Variants in DSE observed in about 807,000 individuals in gnomAD.
The protein encoded by DSE is dermatan sulfate epimerase.
A neutral mutation model predicts 84.4 loss-of-function variants in DSE; 36 were observed. The observed-to-expected ratio is 0.43, with a 90% CI of 0.33 to 0.56. DSE has a LOEUF of 0.56. Among genes scored for constraint, DSE ranks in the 20% least tolerant of loss-of-function variants. The pLI is 0.06. For synonymous variants in DSE, 410 were observed against 430.1 expected (o/e 0.95, Z 0.58); for missense variants, 862 against 1,169.6 (o/e 0.74, Z 3.84).
chr6:116,294,261 G>T (rs1215784729), intron 2 of DSE, among the ~76,000 whole-genome samples: 1 of 152,140 alleles, frequency 6.6e-6, no homozygotes, highest in Admixed American at 6.6e-5. Context: ...GGGCTCAAGG[G>T]ATCCTTTTGG....
chr6:116,406,064 A>T (rs1013559785), intron 2 of DSE, among the ~76,000 whole-genome samples: 5 of 152,252 alleles, frequency 3.3e-5, no homozygotes, highest in African/African-American at 1.2e-4. Flanking sequence ...ATTGAAAGGA[A>T]ATCCGAAGTT....
chr6:116,339,127 CCA>C (rs1056885477), intron 2 of DSE, among the ~76,000 whole-genome samples: 4 of 152,172 alleles, frequency 2.6e-5, no homozygotes, highest in Admixed American at 2.6e-4. Flanking sequence ...CTCCTCCACC[CCA>C]GTCCTGTCCG....
intron 2 of DSE, among the ~76,000 whole-genome samples, chr6:116,358,980 G>GTAAC: frequency 6.6e-6 from 1 of 152,292 alleles, no homozygotes; most frequent in South Asian, 2.1e-4. Flanking sequence ...CACATACACA[G>GTAAC]TAACCTCAGT....
At chr6:116,282,629 C>T (rs541085555) in intron 2 of DSE, among the ~76,000 whole-genome samples, 131 of 151,956 alleles carry the variant, frequency 8.6e-4, no homozygotes, top group African/African-American at 2.9e-3. Flanking sequence ...ATATAGAGAA[C>T]GTGATTTAAA....
At position 116,438,089 on chromosome 6, in the gene DSE, T is replaced by A. The variant is rs1175499494; in HGVS notation, c.*744T>A. On this transcript the variant is annotated 3_prime_UTR_variant, in exon 6 of 6. Transcript: ENST00000644252. ...GAGATGATTACAGATAATACTGTAT[T>A]TTCCTTATATGGAAAACCGTTATAG... The A allele has an allele frequency of 6.6e-6, 1 of 152,600 alleles. No individual in the cohort carries two copies. The highest frequency in any genetic ancestry group is 1.5e-5 in the Non-Finnish European group (1 of 67,990). The allele number at this position is 152,600 out of a possible 1,614,324, so 9.5% of individuals were successfully genotyped here.
intron 5 of DSE, 102 bp from the exon 6 acceptor site, chr6:116,435,485 T>C: frequency 1.7e-6 from 2 of 1,194,574 alleles, no homozygotes; most frequent in South Asian, 1.6e-5. Context: ...GCACTGCCAG[T>C]GCTCTGGGTA....
chr6:116,370,948 G>A lies in DSE; in HGVS notation c.-227G>A, dbSNP rs1779506277. On this transcript the variant is annotated 5_prime_UTR_variant, in exon 1 of 6. Transcript: ENST00000644252. ...CCCGCCCCCGCCGGCCCGGCTCTCAGTAGCGTCGCCCGAGGCTGCAGCAGC... is the reference window on the plus strand; with the variant it reads ...CCCGCCCCCGCCGGCCCGGCTCTCAATAGCGTCGCCCGAGGCTGCAGCAGC... 7 of 985,308 alleles carry A rather than the reference G, an allele frequency of 7.1e-6. No homozygotes were observed. Among genetic ancestry groups the A allele is most frequent in the African/African-American group, 1.7e-5 (1 of 57,204 alleles). The allele number at this position is 985,308 out of a possible 1,614,324, so 61.0% of individuals were successfully genotyped here. A position where few individuals can be genotyped will look rare whatever the true frequency, so the allele number is the denominator to read the frequency against.
At chr6:116,430,878 G>T in intron 3 of DSE, 76 bp from the exon 4 acceptor site, 1 of 1,566,382 alleles carries the variant, frequency 6.4e-7, no homozygotes, top group South Asian at 1.2e-5. Flanking sequence ...TAACTCAGAG[G>T]GTTTTATTGG....
intron 2 of DSE, among the ~76,000 whole-genome samples, chr6:116,363,377 TTGTG>T (rs58017442): frequency 9.3e-5 from 14 of 150,932 alleles, no homozygotes; most frequent in African/African-American, 2.4e-4. Context: ...TGTGTGTGCT[TTGTG>T]TGTGTGTGTG....
In DSE at chr6:116,427,429, GA is replaced by G. The variant is rs79045521; in HGVS notation, c.670+606del. The stretch of plus-strand genomic sequence containing the variant: ...AATGACTGATTAAGATTGTGTTTAA[GA>G]AAAGCAGCTCTGAGATCACAGGGAA... On this transcript the variant is annotated intron_variant, in intron 3 of 5. Transcript: ENST00000644252. Among the ~76,000 whole-genome samples, 75 of 152,276 alleles carry G rather than the reference GA, an allele frequency of 4.9e-4. 1 individual carries two copies. In the East Asian group the frequency reaches 9.3e-3, roughly 19 times the overall value.
chr6:116,388,024 A>AG (rs753244584), intron 1 of DSE, among the ~76,000 whole-genome samples: 217 of 152,322 alleles, frequency 1.4e-3, no homozygotes, highest in Non-Finnish European at 2.2e-3. Context: ...TTAGTATATT[A>AG]GGGTTCTCCA....
intron 2 of DSE, among the ~76,000 whole-genome samples, chr6:116,283,729 A>G (rs1773687049): frequency 6.6e-6 from 1 of 152,070 alleles, no homozygotes; most frequent in Admixed American, 6.5e-5. Flanking sequence ...TTTTTAGTAG[A>G]GAAGGGGTTT....
At position 116,282,285 on chromosome 6, in the gene DSE, C is replaced by G. The variant is rs936356937; in HGVS notation, c.-54+23318C>G. On this transcript the variant is annotated intron_variant, in intron 2 of 3. Transcript: ENST00000430252. ...AGACTGTTTCTAATTGCCATGAAAT[C>G]ATCTTCTATTTTGAACTGGTATAAT... is the stretch of plus-strand genomic sequence containing the variant. Among the ~76,000 whole-genome samples, 5 of 152,258 alleles carry G rather than the reference C, an allele frequency of 3.3e-5. No individual in the cohort carries two copies. In the South Asian group the frequency reaches 8.3e-4, roughly 25 times the overall value.
chr6:116,351,208 A>G (rs1778291149), intron 2 of DSE, among the ~76,000 whole-genome samples: 1 of 152,144 alleles, frequency 6.6e-6, no homozygotes, highest in African/African-American at 2.4e-5. Flanking sequence ...CCTTCACTGA[A>G]TCCCCATCTC....
chr6:116,366,763 T>C (rs930479854), upstream of DSE: 4 of 152,236 alleles, frequency 2.6e-5, no homozygotes, highest in African/African-American at 9.7e-5. Flanking sequence ...ATAATTGTTA[T>C]GTGGTCTGAA....
At chr6:116,420,958 A>C (rs548552423) in intron 2 of DSE, among the ~76,000 whole-genome samples, 1 of 152,340 alleles carries the variant, frequency 6.6e-6, no homozygotes, top group South Asian at 2.1e-4. Flanking sequence ...AAAAGCATTT[A>C]TGATAATAGA....
intron 2 of DSE, among the ~76,000 whole-genome samples, chr6:116,410,471 C>T (rs921032788): frequency 1.3e-5 from 2 of 152,154 alleles, no homozygotes; most frequent in African/African-American, 4.8e-5. Flanking sequence ...TGGTGGCTCA[C>T]GCCTGTAATC....
At position 116,417,823 on chromosome 6, in the gene DSE, C is replaced by T. The variant is rs537266218; in HGVS notation, c.417-8751C>T. On this transcript the variant is annotated intron_variant, in intron 2 of 5. Transcript: ENST00000644252. The stretch of plus-strand genomic sequence containing the variant: ...AAGTAGATATTGAAAAAGGAAAGCT[C>T]ATTGTCCATTTCTGTGTACTCTAGC... Among the ~76,000 whole-genome samples, 76 of 152,252 alleles carry T rather than the reference C, an allele frequency of 5.0e-4. 1 individual carries two copies. The highest frequency in any genetic ancestry group is 2.4e-3 in the Admixed American group (37 of 15,290).
Position 116,435,624 on chromosome 6 carries a change from T to A in DSE, c.1156T>A (p.Phe386Ile), listed in dbSNP as rs774753703. Residue 386 changes from phenylalanine (F) to isoleucine (I), a missense_variant, in exon 6 of 6, where the codon TTT (phenylalanine) becomes ATT (isoleucine). By Grantham distance (21) the Phe-to-Ile change is conservative. Transcript: ENST00000644252. ...GSLKSVPPPDFGTPTLHYFED... is the reference protein window; with the variant it reads ...GSLKSVPPPDIGTPTLHYFED... ...CTTGAAATCGGTTCCTCCTCCAGAC[T>A]TTGGCACCCCTACACTGCATTATTT... is the stretch of plus-strand genomic sequence containing the variant. The A allele has an allele frequency of 6.3e-7, 1 of 1,594,634 alleles. No homozygotes were observed. The highest frequency in any genetic ancestry group is 8.6e-7 in the Non-Finnish European group (1 of 1,169,242).
Sources: allele counts gnomAD v4.1 joint callset (sites outside exome capture counted in the v4.1 genomes callset), GRCh38; gene constraint gnomAD v4.1.1; transcripts MANE v1.5; gene names NCBI Gene and HGNC (gene_info 2026-07-23, HGNC 2026-07-21).